Variants in SLC25A24 observed in about 807,000 individuals in gnomAD.
SLC25A24 encodes mitochondrial adenyl nucleotide antiporter SLC25A24.
SLC25A24 carries 49 observed loss-of-function variants against 60.7 expected under a neutral mutation model. That is an observed-to-expected ratio of 0.81 (90% CI 0.64 to 1.02). The LOEUF is 1.02. Among genes scored for constraint, SLC25A24 ranks in the 50% least tolerant of loss-of-function variants. The probability of loss-of-function intolerance (pLI) is 0.00; values close to 1 mark genes in which losing one functional copy is unlikely to be tolerated. For missense variants in SLC25A24, 564 were observed against 586.3 expected (o/e 0.96, Z 0.39); for synonymous variants, 202 against 200.6 (o/e 1.01, Z -0.06).
chr1:108,184,794 G>A (rs1166462383), intron 2 of SLC25A24, among the ~76,000 whole-genome samples: 1 of 152,046 alleles, frequency 6.6e-6, no homozygotes, highest in Non-Finnish European at 1.5e-5. Flanking sequence ...TGGACTTCTG[G>A]ACAAAAAAGT....
At chr1:108,184,233 C>CT (rs1648039845) in intron 2 of SLC25A24, among the ~76,000 whole-genome samples, 1 of 152,174 alleles carries the variant, frequency 6.6e-6, no homozygotes, top group South Asian at 2.1e-4. Flanking sequence ...TAATTGACCT[C>CT]TGATTATCTG....
At chr1:108,187,893 A>C (rs1329722086) in intron 1 of SLC25A24, among the ~76,000 whole-genome samples, 3 of 105,366 alleles carry the variant, frequency 2.8e-5, no homozygotes, top group Non-Finnish European at 6.4e-5. Flanking sequence ...AGCAAATCAA[A>C]TCTCATAATA....
chr1:108,155,334 A>T (rs191042201), intron 5 of SLC25A24, among the ~76,000 whole-genome samples, 199 bp from the exon 6 acceptor site: 4 of 152,254 alleles, frequency 2.6e-5, no homozygotes, highest in Middle Eastern at 3.4e-3. Context: ...CTCTGACTCT[A>T]AAACTAAGAA....
intron 7 of SLC25A24, among the ~76,000 whole-genome samples, chr1:108,144,797 A>C (rs539355715): frequency 6.6e-6 from 1 of 152,182 alleles, no homozygotes; most frequent in Non-Finnish European, 1.5e-5. Flanking sequence ...TCCATGGTGT[A>C]TATGTGCCAT....
chr1:108,187,906 C>T (rs951377505), intron 1 of SLC25A24, among the ~76,000 whole-genome samples: 30 of 44,956 alleles, frequency 6.7e-4, no homozygotes, highest in African/African-American at 2.1e-3. Flanking sequence ...TCATAATACA[C>T]GAAATGGATA....
At chr1:108,153,064 G>A (rs1679799393) in intron 6 of SLC25A24, among the ~76,000 whole-genome samples, 1 of 152,154 alleles carries the variant, frequency 6.6e-6, no homozygotes, top group Non-Finnish European at 1.5e-5. Context: ...CAGAGATGCT[G>A]AAACACACAG....
At chr1:108,183,411 A>G (rs1421418733) in intron 2 of SLC25A24, among the ~76,000 whole-genome samples, 2 of 152,242 alleles carry the variant, frequency 1.3e-5, no homozygotes, top group East Asian at 1.9e-4. Context: ...CATCTTCCAT[A>G]AAGTTCTATA....
chr1:108,183,123 G>T (rs1647987394), intron 2 of SLC25A24, among the ~76,000 whole-genome samples: 1 of 152,146 alleles, frequency 6.6e-6, no homozygotes, highest in Non-Finnish European at 1.5e-5. Flanking sequence ...TGCTGAAGCA[G>T]CATAAACAGC....
At position 108,136,391 on chromosome 1, in the gene SLC25A24, A is replaced by G. The variant is rs1313712015; in HGVS notation, c.*262T>C. 4 of 295,072 alleles carry G rather than the reference A, an allele frequency of 1.4e-5. No individual in the cohort carries two copies. The highest frequency in any genetic ancestry group is 6.3e-5 in the East Asian group (1 of 15,806). The allele number at this position is 295,072 out of a possible 1,614,324, so 18.3% of individuals were successfully genotyped here. ...CAGTACATTTTCAGATTTCGGATTC[A>G]GGGCAGAGATTTGCAGGATTATTAA... On this transcript the variant is annotated 3_prime_UTR_variant, in exon 10 of 10. Coordinates refer to ENST00000565488, the MANE Select transcript of SLC25A24 (RefSeq NM_013386.5).
intron 6 of SLC25A24, among the ~76,000 whole-genome samples, chr1:108,152,532 T>A (rs1679785143): frequency 6.6e-6 from 1 of 152,146 alleles, no homozygotes; most frequent in Admixed American, 6.5e-5. Context: ...AATTTTTATA[T>A]TTTTTGTAGA....
chr1:108,184,105 A>G (rs1648035872), intron 2 of SLC25A24, among the ~76,000 whole-genome samples: 1 of 152,250 alleles, frequency 6.6e-6, no homozygotes, highest in Non-Finnish European at 1.5e-5. Flanking sequence ...AATTAGGGAA[A>G]CATTGTGTAG....
rs548067067 is a variant in SLC25A24 at position 108,195,452 on chromosome 1, T to C, written c.183+4504A>G. Among the ~76,000 whole-genome samples, 11 of 152,338 alleles carry C rather than the reference T, an allele frequency of 7.2e-5. No individual in the cohort carries two copies. The East Asian group carries it at 2.1e-3, about 29-fold the overall frequency. ...TATACCTTACTAAAGAATTCTTCCA[T>C]TTTTTTCATTCTTTCAGACACTTTA... On this transcript the variant is annotated intron_variant, in intron 1 of 9. Transcript: ENST00000565488.
rs1571315541 is a variant in SLC25A24, at chr1:108,200,288, G to C, written c.-150C>G. 2.7e-6 allele frequency: 1 copy of C among 365,216 alleles called. No homozygotes were observed. The highest frequency in any genetic ancestry group is 3.8e-5 in the East Asian group (1 of 26,036). The allele number at this position is 365,216 out of a possible 1,614,324, so 22.6% of individuals were successfully genotyped here. A position where few individuals can be genotyped will look rare whatever the true frequency, so the allele number is the denominator to read the frequency against. ...GTCGGGGTTGCGGCTGCGGCGCGCA[G>C]GGCGCAGGGCGCAGGAGCGGAGACC... is the stretch of plus-strand genomic sequence containing the variant. On this transcript the variant is annotated 5_prime_UTR_variant, in exon 1 of 10. Coordinates refer to ENST00000565488, the MANE Select transcript of SLC25A24 (RefSeq NM_013386.5).
intron 4 of SLC25A24, among the ~76,000 whole-genome samples, chr1:108,160,364 G>C (rs990322129): frequency 6.6e-6 from 1 of 150,490 alleles, no homozygotes; most frequent in Non-Finnish European, 1.5e-5. Flanking sequence ...TGGGCAGCCA[G>C]GCAGAGGGGC....
At chr1:108,187,927 G>GATATATATATATATATATATATGTATAT (rs57513025) in intron 1 of SLC25A24, among the ~76,000 whole-genome samples, 1 of 95,748 alleles carries the variant, frequency 1.0e-5, no homozygotes, top group African/African-American at 4.2e-5. Flanking sequence ...AGACATTATA[G>GATATATATATATATATATATATGTATAT]ATATATATAT....
chr1:108,199,870 C>T (rs1026491825), intron 1 of SLC25A24, 86 bp downstream of exon 1: 1 of 1,093,590 alleles, frequency 9.1e-7, no homozygotes, highest in East Asian at 2.7e-5. Flanking sequence ...GGCAACGCCT[C>T]AAGCCGCCGC....
intron 8 of SLC25A24, among the ~76,000 whole-genome samples, chr1:108,140,792 T>A (rs1679423539): frequency 7.8e-6 from 1 of 128,774 alleles, no homozygotes; most frequent in South Asian, 2.4e-4. Flanking sequence ...CAAAGGGAAA[T>A]GAGAAGGGAA....
chr1:108,145,551 T>G (rs144269894), intron 7 of SLC25A24, among the ~76,000 whole-genome samples: 430 of 151,126 alleles, frequency 2.8e-3, no homozygotes, highest in Middle Eastern at 0.014. Context: ...TAAGTCTATG[T>G]TTAAGACTTT....
In SLC25A24 at chr1:108,148,291, T is replaced by TATAA; in HGVS notation, c.914_917dup (p.Pro308IlefsTer23). 1 of 1,597,942 alleles carries TATAA rather than the reference T, an allele frequency of 6.3e-7. No homozygotes were observed. Among genetic ancestry groups the TATAA allele is most frequent in the Non-Finnish European group, 8.6e-7 (1 of 1,165,214 alleles). ...CAATGGTACTCACCTCCATTGGATATATAAAAGTCTGTGCAGTTGCTCCAG... is the reference window on the plus strand; with the variant it reads ...CAATGGTACTCACCTCCATTGGATATATAAATAAAAGTCTGTGCAGTTGCTCCAG... On this transcript the variant is annotated frameshift_variant, in exon 7 of 10. Coordinates refer to ENST00000565488, the MANE Select transcript of SLC25A24 (RefSeq NM_013386.5). LOFTEE classifies it high-confidence loss of function.
Sources: allele counts gnomAD v4.1 joint callset (sites outside exome capture counted in the v4.1 genomes callset), GRCh38; gene constraint gnomAD v4.1.1; transcripts MANE v1.5; gene names NCBI Gene and HGNC (gene_info 2026-07-23, HGNC 2026-07-21).